Variants in CSMD2 observed in about 807,000 individuals in gnomAD.
CSMD2 encodes the protein CUB and sushi domain-containing protein 2.
CSMD2 carries 130 observed loss-of-function variants against 398.5 expected under a neutral mutation model. The ratio of observed to expected loss-of-function variants is 0.33; its 90% CI spans 0.28 to 0.38. The LOEUF is 0.38. CSMD2 is among the 10% of genes least tolerant of loss of function. The probability of loss-of-function intolerance (pLI) is 1.00; values close to 1 mark genes in which losing one functional copy is unlikely to be tolerated. For synonymous variants in CSMD2, 1,828 were observed against 1,908.5 expected (o/e 0.96, Z 1.10); for missense variants, 3,829 against 4,764.9 (o/e 0.80, Z 5.78).
At chr1:33,955,079 AAG>A (rs1272042348) in intron 3 of CSMD2, among the ~76,000 whole-genome samples, 1 of 152,138 alleles carries the variant, frequency 6.6e-6, no homozygotes, top group East Asian at 1.9e-4. Flanking sequence ...CCCAAGGAGG[AAG>A]AGAGGACGAT....
chr1:33,955,050 G>A (rs960589923), intron 3 of CSMD2, among the ~76,000 whole-genome samples: 18 of 152,100 alleles, frequency 1.2e-4, no homozygotes, highest in Non-Finnish European at 1.9e-4. Flanking sequence ...TTTATCACCC[G>A]TGGACCCTGT....
intron 10 of CSMD2, among the ~76,000 whole-genome samples, chr1:33,796,330 C>G (rs1273897299): frequency 1.3e-5 from 2 of 152,204 alleles, no homozygotes; most frequent in Non-Finnish European, 2.9e-5. Flanking sequence ...ATGGAGGGAC[C>G]AGCTGGAGCT....
intron 25 of CSMD2, among the ~76,000 whole-genome samples, chr1:33,664,236 C>G (rs2149005112): frequency 6.6e-6 from 1 of 152,258 alleles, no homozygotes; most frequent in Non-Finnish European, 1.5e-5. Context: ...GGTACATATG[C>G]TTCCAGAGTT....
intron 5 of CSMD2, among the ~76,000 whole-genome samples, chr1:33,897,729 G>A (rs538429038): frequency 1.3e-5 from 2 of 152,292 alleles, no homozygotes; most frequent in South Asian, 2.1e-4. Flanking sequence ...GATGGGGAGC[G>A]GCAACAGCTC....
chr1:34,082,702 G>T (rs1016001471), intron 2 of CSMD2, among the ~76,000 whole-genome samples: 4 of 152,236 alleles, frequency 2.6e-5, no homozygotes, highest in Admixed American at 6.5e-5. Flanking sequence ...AGACATAGGA[G>T]ACTCCATTTT....
intron 7 of CSMD2, among the ~76,000 whole-genome samples, chr1:33,821,494 A>AT (rs1170808527): frequency 1.3e-5 from 2 of 152,192 alleles, no homozygotes; most frequent in African/African-American, 4.8e-5. Context: ...TGACCCCAAC[A>AT]GCAACCTCTA....
rs76599144 is a variant in CSMD2 at position 33,967,146 on chromosome 1, T to C, written c.518-31192A>G. On this transcript the variant is annotated intron_variant, in intron 3 of 70. Transcript: ENST00000373381. ...TGAGGTAGAGGAGAGTATATTTTAG[T>C]GGAGAATTGATTTTAATATTTTATA... Among the ~76,000 whole-genome samples the C allele has an allele frequency of 2.8e-4, 42 of 152,194 alleles. 2 individuals carry two copies. In the East Asian group the frequency reaches 4.8e-3, roughly 17 times the overall value.
At chr1:33,675,697 C>G (rs1644685498) in intron 25 of CSMD2, among the ~76,000 whole-genome samples, 1 of 152,140 alleles carries the variant, frequency 6.6e-6, no homozygotes, top group African/African-American at 2.4e-5. Context: ...AACATTGATG[C>G]AAAAATCCAC....
intron 15 of CSMD2, among the ~76,000 whole-genome samples, chr1:33,737,438 G>A (rs140759921): frequency 1.3e-5 from 2 of 152,276 alleles, no homozygotes; most frequent in African/African-American, 4.8e-5. Context: ...TCAAGTTAAC[G>A]CTAATGGCCA....
intron 41 of CSMD2, chr1:33,606,087 C>G: frequency 6.8e-7 from 1 of 1,475,432 alleles, no homozygotes; most frequent in Non-Finnish European, 9.0e-7. Context: ...AAGCTGTTTC[C>G]ATGAGAGTGG....
At chr1:33,928,457 T>A (rs1482066317) in intron 4 of CSMD2, among the ~76,000 whole-genome samples, 1 of 152,260 alleles carries the variant, frequency 6.6e-6, no homozygotes, top group Non-Finnish European at 1.5e-5. Context: ...CAAGGCCCTC[T>A]GCTATGTGCT....
In CSMD2 at chr1:33,518,791, A is replaced by T. The variant is rs1323691680; in HGVS notation, c.*53+674T>A. On this transcript the variant is annotated intron_variant, in intron 70 of 70. Transcript: ENST00000373381. The surrounding 1 kb of genome is among the most constrained non-coding windows in gnomAD (Gnocchi z 4.3). ...CTTTAGATTTCCACCTTGCCAGCCAATTCCTTAGATGAATCTCTCTCTCTA... is the reference window on the plus strand; with the variant it reads ...CTTTAGATTTCCACCTTGCCAGCCATTTCCTTAGATGAATCTCTCTCTCTA... Among the ~76,000 whole-genome samples the T allele has an allele frequency of 6.6e-6, 1 of 152,054 alleles. No individual in the cohort carries two copies. The highest frequency in any genetic ancestry group is 2.4e-5 in the African/African-American group (1 of 41,410).
intron 12 of CSMD2, among the ~76,000 whole-genome samples, chr1:33,773,027 A>T (rs1236530976): frequency 2.6e-5 from 4 of 152,160 alleles, no homozygotes; most frequent in Non-Finnish European, 5.9e-5. Context: ...GGATGTTTTG[A>T]TCCCTTACCC....
chr1:33,516,280 A>C lies in CSMD2; in HGVS notation c.*344T>G, dbSNP rs1481782671. The stretch of plus-strand genomic sequence containing the variant: ...TGGTCTCTTCCATAGGACGTGAATG[A>C]AGGAGAGGTGTGTGTGTTTGTGTGT... On this transcript the variant is annotated 3_prime_UTR_variant, in exon 71 of 71. Coordinates refer to ENST00000373381, the MANE Select transcript of CSMD2 (RefSeq NM_001281956.2). 1.3e-5 allele frequency: 2 copies of C among 150,474 alleles called. No individual in the cohort carries two copies. The highest frequency in any genetic ancestry group is 4.9e-5 in the African/African-American group (2 of 40,572). 9.3% of individuals were successfully genotyped at this position (150,474 alleles called of 1,614,324 possible).
intron 1 of CSMD2, among the ~76,000 whole-genome samples, chr1:34,129,521 G>A (rs1259149826): frequency 5.3e-5 from 8 of 152,038 alleles, no homozygotes; most frequent in African/African-American, 1.4e-4. Context: ...GCATGGTGGC[G>A]GGCGCCTGTA....
chr1:33,599,909 A>G, intron 44 of CSMD2: 1 of 516,506 alleles, frequency 1.9e-6, no homozygotes, highest in East Asian at 3.1e-5. Flanking sequence ...ATAACACTGT[A>G]TAGTCACACC....
chr1:34,083,667 G>A (rs890692301), intron 2 of CSMD2, among the ~76,000 whole-genome samples: 3 of 152,202 alleles, frequency 2.0e-5, no homozygotes, highest in African/African-American at 7.2e-5. Flanking sequence ...TGTAATCCTA[G>A]CACTTTGGGA....
intron 64 of CSMD2, 81 bp downstream of exon 64, chr1:33,532,969 C>CT (rs1204376015): frequency 2.3e-6 from 3 of 1,308,396 alleles, no homozygotes; most frequent in Non-Finnish European, 3.1e-6. Context: ...CCTTCCTTCT[C>CT]TTTTGCCCTC....
Position 33,635,142 on chromosome 1 carries a change from G to T in CSMD2, c.5086+72C>A. Reference sequence around the variant, plus strand: ...GGCTGTATATAATTGGGAGGCGTCTGAGGAATTGCTCATTTTGGAATGAGG... The same window carrying T: ...GGCTGTATATAATTGGGAGGCGTCTTAGGAATTGCTCATTTTGGAATGAGG... On this transcript the variant is annotated intron_variant, in intron 31 of 70. Coordinates refer to ENST00000373381, the MANE Select transcript of CSMD2 (RefSeq NM_001281956.2). This position sits in a 1 kb window ranked among gnomAD's most constrained non-coding sequence, Gnocchi z 5.0. 1.1e-6 allele frequency: 1 copy of T among 928,214 alleles called. No individual in the cohort carries two copies. The highest frequency in any genetic ancestry group is 1.7e-6 in the Non-Finnish European group (1 of 577,038). 57.5% of individuals were successfully genotyped at this position (928,214 alleles called of 1,614,324 possible). A position where few individuals can be genotyped will look rare whatever the true frequency, so the allele number is the denominator to read the frequency against.
Sources: gnomAD v4.1 joint callset for allele counts (sites outside exome capture counted in the v4.1 genomes callset) on GRCh38, gnomAD v4.1.1 for gene constraint, Gnocchi (gnomAD v3.1) non-coding constraint, MANE v1.5 for transcripts, NCBI Gene and HGNC (gene_info 2026-07-23, HGNC 2026-07-21) for gene names.